Variants in DNAH10 observed in about 807,000 individuals in gnomAD.
DNAH10 encodes the protein axonemal beta dynein heavy chain 10.
DNAH10 carries 348 observed loss-of-function variants against 506.6 expected under a neutral mutation model. The ratio of observed to expected loss-of-function variants is 0.69; its 90% CI spans 0.63 to 0.75. The LOEUF is 0.75. Among genes scored for constraint, DNAH10 ranks in the 30% least tolerant of loss-of-function variants. DNAH10 has a pLI of 0.00. For missense variants in DNAH10, 5,179 were observed against 5,787.1 expected (o/e 0.89, Z 3.41); for synonymous variants, 2,059 against 2,198.6 (o/e 0.94, Z 1.78).
intron 41 of DNAH10, among the ~76,000 whole-genome samples, chr12:123,866,803 G>A (rs1951830018): frequency 6.6e-6 from 1 of 152,208 alleles, no homozygotes; most frequent in Admixed American, 6.5e-5. Flanking sequence ...AGGCCAGAGT[G>A]TGTGTTGTCT....
At position 123,926,907 on chromosome 12, in the gene DNAH10, A is replaced by G; in HGVS notation, c.12105+87A>G. The G allele has an allele frequency of 6.9e-7, 1 of 1,440,948 alleles. No individual in the cohort carries two copies. Among genetic ancestry groups the G allele is most frequent in the African/African-American group, 1.4e-5 (1 of 70,136 alleles). 89.3% of individuals were successfully genotyped at this position (1,440,948 alleles called of 1,614,324 possible). Reference sequence around the variant, plus strand: ...AAGGAGCTAACCTGGGTTTAAGCTGAGTGCCACGCCACAAATCAGTTGGAT... The same window carrying G: ...AAGGAGCTAACCTGGGTTTAAGCTGGGTGCCACGCCACAAATCAGTTGGAT... On this transcript the variant is annotated intron_variant, in intron 69 of 78. Coordinates refer to ENST00000673944, the MANE Select transcript of DNAH10 (RefSeq NM_001372106.1). The surrounding 1 kb of genome is among the most constrained non-coding windows in gnomAD (Gnocchi z 4.1).
In DNAH10 at chr12:123,833,192, G is replaced by A. The variant is rs369206919; in HGVS notation, c.4624G>A (p.Gly1542Ser). The change falls in exon 27 of 79, where the codon GGC becomes AGC. Residue 1542 changes from glycine (G) to serine (S), a missense_variant. Physicochemically the swap from Gly to Ser is moderately conservative, Grantham distance 56. Coordinates refer to ENST00000673944, the MANE Select transcript of DNAH10 (RefSeq NM_001372106.1). ...GTATTGCAAAGGCACACAGGAGCGA[G>A]GCTACATCCTGGGTTCTGTTGACGA... Reference protein sequence around the residue: ...VKYCKGTQERGYILGSVDEII... With the variant: ...VKYCKGTQERSYILGSVDEII... The A allele has an allele frequency of 2.5e-6, 4 of 1,613,800 alleles. No individual in the cohort carries two copies. The highest frequency in any genetic ancestry group is 3.4e-6 in the Non-Finnish European group (4 of 1,179,880).
intron 1 of DNAH10, among the ~76,000 whole-genome samples, chr12:123,765,596 CTATACATA>C (rs1957005469): frequency 6.6e-6 from 1 of 150,940 alleles, no homozygotes; most frequent in African/African-American, 2.4e-5. Context: ...ATCTATCTAT[CTATACATA>C]CCTCTATCTA....
At chr12:123,861,290 T>G in intron 39 of DNAH10, 120 bp downstream of exon 39, 1 of 1,296,388 alleles carries the variant, frequency 7.7e-7, no homozygotes, top group Non-Finnish European at 1.0e-6. Flanking sequence ...AGACTTAGAG[T>G]CCAGTCTTGG....
Position 123,797,550 on chromosome 12 carries a change from G to A in DNAH10, c.2163+718G>A, listed in dbSNP as rs116647224. On this transcript the variant is annotated intron_variant, in intron 13 of 78. Coordinates refer to ENST00000673944, the MANE Select transcript of DNAH10 (RefSeq NM_001372106.1). ...GGGGCCTACAGGTGTGGGCCACCAC[G>A]CCTGGCCCATTTTTGTATTTTTTGT... Among the ~76,000 whole-genome samples, 1,461 of 152,106 alleles carry A rather than the reference G, an allele frequency of 9.6e-3. 21 individuals carry two copies. The highest frequency in any genetic ancestry group is 0.033 in the African/African-American group (1,375 of 41,478).
At chr12:123,924,720 A>G (rs1362572721) in intron 67 of DNAH10, among the ~76,000 whole-genome samples, 1 of 145,856 alleles carries the variant, frequency 6.9e-6, no homozygotes, top group Non-Finnish European at 1.5e-5. Context: ...CTGCCCACCC[A>G]CCCATCTACT....
At chr12:123,768,019 G>T (rs1468148741) in intron 2 of DNAH10, among the ~76,000 whole-genome samples, 1 of 152,144 alleles carries the variant, frequency 6.6e-6, no homozygotes, top group African/African-American at 2.4e-5. Context: ...CAGTCTGGGG[G>T]TCAGGGTGTC....
intron 41 of DNAH10, among the ~76,000 whole-genome samples, chr12:123,867,043 G>A (rs1190426263): frequency 6.6e-6 from 1 of 152,198 alleles, no homozygotes; most frequent in African/African-American, 2.4e-5. Context: ...ACCATCTGAG[G>A]CACTGTCCTG....
At chr12:123,933,580 C>CA (rs1955321135) in intron 77 of DNAH10, 69 bp downstream of exon 77, 1 of 1,507,494 alleles carries the variant, frequency 6.6e-7, no homozygotes, top group Non-Finnish European at 8.9e-7. Flanking sequence ...ACCTCCAACT[C>CA]AAAGGGACAG....
rs1955027187 is a variant in DNAH10, at chr12:123,928,117, G to A, written c.12106-270G>A. On this transcript the variant is annotated intron_variant, in intron 69 of 78. Transcript: ENST00000673944. The surrounding 1 kb of genome is among the most constrained non-coding windows in gnomAD (Gnocchi z 4.9). ...AGGAGCGACTGTGTGGGAGGAGCTG[G>A]GACTTCCAGGGCCAGGGAGGCAGAT... is the stretch of plus-strand genomic sequence containing the variant. The A allele has an allele frequency of 1.8e-6, 1 of 560,786 alleles. No homozygotes were observed. 34.7% of individuals were successfully genotyped at this position (560,786 alleles called of 1,614,324 possible). A position where few individuals can be genotyped will look rare whatever the true frequency, so the allele number is the denominator to read the frequency against.
intron 45 of DNAH10, 145 bp from the exon 46 acceptor site, chr12:123,873,413 T>A: frequency 1.1e-6 from 1 of 883,942 alleles, no homozygotes; most frequent in Non-Finnish European, 1.7e-6. Flanking sequence ...TAGAAAATAA[T>A]GAAGCACAGT....
intron 10 of DNAH10, 80 bp from the exon 11 acceptor site, chr12:123,789,847 G>T (rs540692750): frequency 1.5e-6 from 2 of 1,346,002 alleles, no homozygotes; most frequent in Non-Finnish European, 2.1e-6. Context: ...GGTCAGTCTC[G>T]ATATGCTATC....
At chr12:123,840,503 C>T in intron 29 of DNAH10, among the ~76,000 whole-genome samples, 1 of 143,388 alleles carries the variant, frequency 7.0e-6, no homozygotes, top group East Asian at 2.2e-4. Context: ...CTCCTGGGCT[C>T]AAGCAATCCA....
At chr12:123,839,634 C>T (rs1036302176) in intron 29 of DNAH10, among the ~76,000 whole-genome samples, 4 of 151,096 alleles carry the variant, frequency 2.6e-5, no homozygotes, top group Non-Finnish European at 5.9e-5. Flanking sequence ...TCCCCATCCC[C>T]ATTCATACTT....
At chr12:123,886,156 TTTA>T (rs1952717403) in intron 51 of DNAH10, among the ~76,000 whole-genome samples, 2 of 152,136 alleles carry the variant, frequency 1.3e-5, no homozygotes, top group South Asian at 4.1e-4. Context: ...ACTGGAAAGT[TTTA>T]TTATTTTTTT....
Position 123,867,582 on chromosome 12 carries a change from C to G in DNAH10, c.7283C>G (p.Pro2428Arg). ...RQAEKLKTIV[P>R]QTDLNMVTQL... ...GCAGAAAAGCTGAAGACAATAGTTC[C>G]TCAGACAGACCTCAATATGGTAAGA... The change falls in exon 42 of 79, where the codon CCT becomes CGT. Residue 2428 changes from proline (P) to arginine (R), a missense_variant. Pro to Arg is a moderately radical substitution (Grantham distance 103). This residue lies in a region of DNAH10 where 4,844 missense variants were observed against 5,430.5 expected (regional missense o/e 0.89). Transcript: ENST00000673944. 1 of 1,613,908 alleles carries G rather than the reference C, an allele frequency of 6.2e-7. No individual in the cohort carries two copies. Among genetic ancestry groups the G allele is most frequent in the Non-Finnish European group, 8.5e-7 (1 of 1,179,892 alleles).
Position 123,909,173 on chromosome 12 carries a change from G to T in DNAH10, c.9816-88G>T. ...CAGTAGCTCCAGGGACTGTCTTTTG[G>T]TTGAGCTCGTTTTTCTGGAGCTCTC... On this transcript the variant is annotated intron_variant, in intron 57 of 78. Transcript: ENST00000673944. The surrounding 1 kb of genome is among the most constrained non-coding windows in gnomAD (Gnocchi z 5.4). 2 of 1,518,868 alleles carry T rather than the reference G, an allele frequency of 1.3e-6. No individual in the cohort carries two copies. The highest frequency in any genetic ancestry group is 1.8e-6 in the Non-Finnish European group (2 of 1,120,772). The allele number at this position is 1,518,868 out of a possible 1,614,324, so 94.1% of individuals were successfully genotyped here.
Position 123,925,291 on chromosome 12 carries a change from C to A in DNAH10, c.11921+87C>A, listed in dbSNP as rs891683003. ...ACCTTGGACTCAAAGAAAGCAGAGG[C>A]TGACCAGCTCCCGAGACAGCTGTCG... On this transcript the variant is annotated intron_variant, in intron 68 of 78. Transcript: ENST00000673944. This position sits in a 1 kb window ranked among gnomAD's most constrained non-coding sequence, Gnocchi z 4.0. The A allele has an allele frequency of 6.3e-7, 1 of 1,576,902 alleles. No individual in the cohort carries two copies.
At chr12:123,873,208 C>T (rs552242445) in intron 45 of DNAH10, among the ~76,000 whole-genome samples, 7 of 152,192 alleles carry the variant, frequency 4.6e-5, no homozygotes, top group Non-Finnish European at 8.8e-5. Context: ...CCATTACGAT[C>T]GTCTTACAAG....
Sources: allele counts gnomAD v4.1 joint callset (sites outside exome capture counted in the v4.1 genomes callset), GRCh38; gene constraint gnomAD v4.1.1; regional missense constraint gnomAD v4.1.1; non-coding constraint Gnocchi (gnomAD v3.1); transcripts MANE v1.5; gene names NCBI Gene and HGNC (gene_info 2026-07-23, HGNC 2026-07-21).